MTHFD2L: variants seen among roughly 807,000 people sequenced by gnomAD.
The protein encoded by MTHFD2L is methylenetetrahydrofolate dehydrogenase (NADP+ dependent) 2 like, also known as bifunctional methylenetetrahydrofolate dehydrogenase/cyclohydrolase 2, mitochondrial.
MTHFD2L carries 29 observed loss-of-function variants against 34.9 expected under a neutral mutation model. The observed-to-expected ratio is 0.83, with a 90% CI of 0.62 to 1.13. The LOEUF (loss-of-function observed/expected upper bound fraction) is 1.13, where lower values mean the gene tolerates loss of function less well. Among genes scored for constraint, MTHFD2L ranks in the 50% most tolerant of loss-of-function variants. MTHFD2L has a pLI of 0.00. For synonymous variants in MTHFD2L, 167 were observed against 155.7 expected (o/e 1.07, Z -0.54); for missense variants, 481 against 446.5 (o/e 1.08, Z -0.70).
upstream of MTHFD2L, among the ~76,000 whole-genome samples, chr4:74,156,104 CTT>C (rs1028297710): frequency 1.1e-4 from 16 of 151,988 alleles, no homozygotes; most frequent in African/African-American, 3.9e-4. Flanking sequence ...ATATGGTATA[CTT>C]TGTTTCCCTC....
chr4:74,265,352 G>T (rs1027269849), intron 6 of MTHFD2L, among the ~76,000 whole-genome samples: 2 of 152,150 alleles, frequency 1.3e-5, no homozygotes, highest in Admixed American at 6.6e-5. Context: ...CAGCATACAG[G>T]CCCAGATATG....
intron 6 of MTHFD2L, among the ~76,000 whole-genome samples, chr4:74,269,260 TGGG>T (rs1298415903): frequency 6.6e-6 from 1 of 152,098 alleles, no homozygotes; most frequent in Non-Finnish European, 1.5e-5. Context: ...TTAATTAGCT[TGGG>T]GGGAAAAAAC....
chr4:74,256,017 T>C (rs1406153384), intron 6 of MTHFD2L, among the ~76,000 whole-genome samples: 4 of 152,248 alleles, frequency 2.6e-5, no homozygotes, highest in African/African-American at 4.8e-5. Flanking sequence ...TACCCAGTAA[T>C]GGGACTGCTG....
intron 5 of MTHFD2L, among the ~76,000 whole-genome samples, chr4:74,207,347 A>G (rs963525756): frequency 3.9e-5 from 6 of 152,158 alleles, no homozygotes; most frequent in African/African-American, 1.4e-4. Flanking sequence ...TTGGAGTAAT[A>G]TTGATGCTGG....
Position 74,254,056 on chromosome 4 carries a change from T to G in MTHFD2L, c.806-27369T>G, listed in dbSNP as rs368931351. On this transcript the variant is annotated intron_variant, in intron 6 of 7. Transcript: ENST00000325278. ...TCAGATCCAGGCACCAGGACTGCCTTACAGAAAACCAATAAATGCATTTGG... is the reference window on the plus strand; with the variant it reads ...TCAGATCCAGGCACCAGGACTGCCTGACAGAAAACCAATAAATGCATTTGG... Among the ~76,000 whole-genome samples, 14 of 152,210 alleles carry G rather than the reference T, an allele frequency of 9.2e-5. 1 individual carries two copies. In the East Asian group the frequency reaches 2.5e-3, roughly 27 times the overall value.
chr4:74,192,785 AT>A (rs1732781323), intron 3 of MTHFD2L, among the ~76,000 whole-genome samples: 1 of 151,988 alleles, frequency 6.6e-6, no homozygotes, highest in Admixed American at 6.6e-5. Context: ...TTTATTAAAA[AT>A]ATTATTTATC....
upstream of MTHFD2L, among the ~76,000 whole-genome samples, chr4:74,123,062 A>G (rs1047202077): frequency 1.3e-5 from 2 of 152,220 alleles, no homozygotes; most frequent in African/African-American, 4.8e-5. Flanking sequence ...GTGTACATTT[A>G]ACAAAACAGT....
intron 6 of MTHFD2L, among the ~76,000 whole-genome samples, chr4:74,240,035 A>T (rs543739995): frequency 1.3e-5 from 2 of 152,176 alleles, no homozygotes; most frequent in Non-Finnish European, 2.9e-5. Flanking sequence ...ACTAAGAGTA[A>T]CATACATTCT....
chr4:74,175,334 T>G lies in MTHFD2L; in HGVS notation c.382T>G (p.Leu128Val), dbSNP rs1578350763. 6.2e-6 allele frequency: 10 copies of G among 1,613,328 alleles called. No homozygotes were observed. The East Asian group carries it at 2.2e-4, about 36-fold the overall frequency. The part of the protein sequence containing the change: ...KPKDVSQEEL[L>V]DVTDQLNMDP... ...TAAGGATGTTTCTCAGGAAGAACTT[T>G]TGGACGTAACTGATCAATTGAATAT... The change falls in exon 3 of 8, where the codon TTG becomes GTG. Residue 128 changes from leucine to valine, a missense_variant. Physicochemically the swap from Leu to Val is conservative, Grantham distance 32 (BLOSUM62 1). Coordinates refer to ENST00000325278, the MANE Select transcript of MTHFD2L (RefSeq NM_001144978.3).
upstream of MTHFD2L, among the ~76,000 whole-genome samples, chr4:74,118,393 C>T (rs1346673233): frequency 1.3e-5 from 2 of 152,048 alleles, no homozygotes; most frequent in African/African-American, 4.8e-5. Context: ...GCACAGTATA[C>T]CAGGAACTGA....
chr4:74,258,389 AACACACAC>A (rs141804252), intron 6 of MTHFD2L, among the ~76,000 whole-genome samples: 1 of 149,238 alleles, frequency 6.7e-6, no homozygotes, highest in Non-Finnish European at 1.5e-5. Context: ...ATAGGCACAT[AACACACAC>A]ACACACACAC....
chr4:74,162,353 G>T (rs771377845), intron 1 of MTHFD2L: 16 of 152,056 alleles, frequency 1.1e-4, no homozygotes, highest in African/African-American at 3.9e-4. Flanking sequence ...ATACCAACCA[G>T]GTTTGTTCAC....
rs115062782 is a variant in MTHFD2L, at chr4:74,171,533, T to A, written c.144-2973T>A. On this transcript the variant is annotated intron_variant, in intron 1 of 7. Transcript: ENST00000325278. ...AAGAAATTAAAGCGGCCAGGAGTGG[T>A]GGCTCACACCTGTAGTCCCAGCATT... Among the ~76,000 whole-genome samples the A allele has an allele frequency of 8.0e-3, 1,216 of 152,338 alleles. 8 individuals are homozygous for A. The highest frequency in any genetic ancestry group is 0.037 in the Middle Eastern group (11 of 294).
chr4:74,175,454 G>A (rs761814334), intron 3 of MTHFD2L, 51 bp downstream of exon 3: 99 of 1,551,050 alleles, frequency 6.4e-5, no homozygotes, highest in Non-Finnish European at 8.3e-5. Context: ...TGAAACAAAG[G>A]GCATCTTTCA....
At chr4:74,177,764 A>G (rs1176006655) in intron 3 of MTHFD2L, among the ~76,000 whole-genome samples, 1 of 151,978 alleles carries the variant, frequency 6.6e-6, no homozygotes, top group Non-Finnish European at 1.5e-5. Flanking sequence ...TCCAAATGTC[A>G]TGATATCAGT....
chr4:74,114,915 C>T (rs187481451), intron 2 of MTHFD2L, among the ~76,000 whole-genome samples: 12 of 152,176 alleles, frequency 7.9e-5, no homozygotes, highest in African/African-American at 2.9e-4. Context: ...ATTATTAGCC[C>T]TTGATAGATG....
intron 1 of MTHFD2L, among the ~76,000 whole-genome samples, chr4:74,147,551 G>A (rs1339446961): frequency 1.3e-5 from 2 of 152,134 alleles, no homozygotes; most frequent in Admixed American, 1.3e-4. Context: ...CTCCATTCAG[G>A]CATTCATAAT....
intron 1 of MTHFD2L, among the ~76,000 whole-genome samples, chr4:74,158,614 T>G (rs1724707549): frequency 6.6e-6 from 1 of 152,190 alleles, no homozygotes; most frequent in Admixed American, 6.5e-5. Context: ...ACATTTGTTT[T>G]TACTTTGGTT....
chr4:74,176,352 C>A (rs545825729), intron 3 of MTHFD2L, among the ~76,000 whole-genome samples: 1 of 152,066 alleles, frequency 6.6e-6, no homozygotes, highest in Admixed American at 6.6e-5. Flanking sequence ...TCGCTTCATG[C>A]GGGCCTAGGT....
Sources: allele counts gnomAD v4.1 joint callset (sites outside exome capture counted in the v4.1 genomes callset), GRCh38; gene constraint gnomAD v4.1.1; transcripts MANE v1.5; gene names NCBI Gene and HGNC (gene_info 2026-07-23, HGNC 2026-07-21).